TESMIN: variants seen among roughly 807,000 people sequenced by gnomAD.
The protein encoded by TESMIN is testis expressed metallothionein like protein, also known as CXC domain containing 2.
A neutral mutation model predicts 47.4 loss-of-function variants in TESMIN; 34 were observed. The ratio of observed to expected loss-of-function variants is 0.72; its 90% CI spans 0.55 to 0.96. The LOEUF (loss-of-function observed/expected upper bound fraction) is 0.96, where lower values mean the gene tolerates loss of function less well. Among genes scored for constraint, TESMIN ranks in the 40% least tolerant of loss-of-function variants. The pLI is 0.00. For synonymous variants in TESMIN, 278 were observed against 258.9 expected (o/e 1.07, Z -0.71); for missense variants, 610 against 637.2 (o/e 0.96, Z 0.46).
chr11:68,706,168 T>C (rs1024578055), downstream of TESMIN, among the ~76,000 whole-genome samples: 1 of 152,226 alleles, frequency 6.6e-6, no homozygotes, highest in African/African-American at 2.4e-5. Context: ...TCTAGCTTTG[T>C]AGTCATCTTC....
intron 6 of TESMIN, among the ~76,000 whole-genome samples, chr11:68,727,650 G>A (rs4930600): frequency 0.049 from 7,455 of 152,190 alleles, 262 homozygotes; most frequent in Non-Finnish European, 0.076. Context: ...GTTCTATTGG[G>A]CTTCACAGGT....
chr11:68,725,364 A>AAATTCTAAC (rs1946249600), intron 6 of TESMIN, among the ~76,000 whole-genome samples: 2 of 152,210 alleles, frequency 1.3e-5, no homozygotes. Flanking sequence ...CTTTTAGTAG[A>AAATTCTAAC]AATTCTAACA....
At chr11:68,746,322 G>A (rs576290819) in intron 3 of TESMIN, among the ~76,000 whole-genome samples, 1 of 152,196 alleles carries the variant, frequency 6.6e-6, no homozygotes, top group South Asian at 2.1e-4. Flanking sequence ...TTGGGGAGTC[G>A]GAGAGTTCTC....
At chr11:68,750,064 TG>T in intron 2 of TESMIN, 125 bp downstream of exon 2, 1 of 708,144 alleles carries the variant, frequency 1.4e-6, no homozygotes, top group Non-Finnish European at 2.1e-6. Flanking sequence ...GTGACTCCGG[TG>T]GGCTGTGTGT....
At chr11:68,713,468 A>C in intron 7 of TESMIN, 61 bp from the exon 8 acceptor site, 1 of 1,578,274 alleles carries the variant, frequency 6.3e-7, no homozygotes, top group East Asian at 2.2e-5. Flanking sequence ...CAGCTCAATG[A>C]AGGGCATCTC....
In TESMIN at chr11:68,713,339, C is replaced by T; in HGVS notation, c.1089G>A (p.Lys363=). 1 of 1,614,138 alleles carries T rather than the reference C, an allele frequency of 6.2e-7. No individual in the cohort carries two copies. The highest frequency in any genetic ancestry group is 2.2e-5 in the East Asian group (1 of 44,874). Residue 363 remains lysine, a synonymous_variant, in exon 8 of 10, where the codon AAG becomes AAA. Transcript: ENST00000255087. ...AGTTGCACCCTTTGTTGTGCTGGGG[C>T]TTGACATTGCCCAATTGGCCCTTCC... The part of the protein sequence containing the change: ...KIGKGQLGNV[K]PQHNKGCNCR...
At chr11:68,749,895 C>T (rs1014528820) in intron 2 of TESMIN, among the ~76,000 whole-genome samples, 2 of 152,220 alleles carry the variant, frequency 1.3e-5, no homozygotes, top group African/African-American at 4.8e-5. Flanking sequence ...AACCTACGTC[C>T]TAGCTTTCCC....
rs1298323379 is a variant in TESMIN, at chr11:68,750,493, C to T, written c.168G>A (p.Pro56=). 3.7e-6 allele frequency: 6 copies of T among 1,602,296 alleles called. No homozygotes were observed. Among genetic ancestry groups the T allele is most frequent in the Non-Finnish European group, 4.3e-6 (5 of 1,175,132 alleles). Residue 56 remains proline (P), a synonymous_variant, in exon 2 of 10, where the codon CCG becomes CCA. Coordinates refer to ENST00000255087, the MANE Select transcript of TESMIN (RefSeq NM_004923.3). ...FHVFKEAYLG[P]ADPKEPVLHA... is the part of the protein sequence containing the mutation. ...GCAGGACGGGTTCCTTGGGGTCCGC[C>T]GGGCCCAGGTACGCTTCTTTGAAGA...
At chr11:68,713,142 G>A in intron 8 of TESMIN, 128 bp downstream of exon 8, 1 of 986,662 alleles carries the variant, frequency 1.0e-6, no homozygotes, top group Non-Finnish European at 1.4e-6. Context: ...TGTCCTTCTA[G>A]AAACTCTGGA....
At position 68,740,833 on chromosome 11, in the gene TESMIN, C is replaced by A. The variant is rs140508092; in HGVS notation, c.828+1485G>T. On this transcript the variant is annotated intron_variant, in intron 5 of 9. Coordinates refer to ENST00000255087, the MANE Select transcript of TESMIN (RefSeq NM_004923.3). ...ATCTCATCCCTCCTGCCCAGCCCTTCCTCACTCTAAACTCCTACGCAACAT... is the reference window on the plus strand; with the variant it reads ...ATCTCATCCCTCCTGCCCAGCCCTTACTCACTCTAAACTCCTACGCAACAT... Among the ~76,000 whole-genome samples the A allele has an allele frequency of 6.1e-4, 93 of 152,290 alleles. 1 individual carries two copies. The highest frequency in any genetic ancestry group is 2.1e-3 in the African/African-American group (86 of 41,552).
intron 6 of TESMIN, among the ~76,000 whole-genome samples, chr11:68,726,213 A>G (rs1566317634): frequency 6.6e-6 from 1 of 152,172 alleles, no homozygotes; most frequent in Non-Finnish European, 1.5e-5. Flanking sequence ...CTGGGAACAA[A>G]TGCCCTGAAA....
In TESMIN at chr11:68,713,724, A is replaced by G. The variant is rs1202505528; in HGVS notation, c.1021-317T>C. On this transcript the variant is annotated intron_variant, in intron 7 of 9. Coordinates refer to ENST00000255087, the MANE Select transcript of TESMIN (RefSeq NM_004923.3). ...CCGTGTGGACACATTTCCATCCAGC[A>G]TTTCTGGGGCCCTCTTTCCTAAGAT... is the stretch of plus-strand genomic sequence containing the variant. 2.0e-5 allele frequency among the ~76,000 whole-genome samples: 3 copies of G among 152,126 alleles called. No individual in the cohort carries two copies. The South Asian group carries it at 6.2e-4, about 32-fold the overall frequency.
intron 6 of TESMIN, among the ~76,000 whole-genome samples, chr11:68,728,553 C>A (rs1278995460): frequency 1.3e-5 from 2 of 152,254 alleles, no homozygotes; most frequent in Non-Finnish European, 2.9e-5. Flanking sequence ...ATAAAGGTGG[C>A]TACACTGAAC....
chr11:68,727,941 A>T (rs931896564), intron 6 of TESMIN, among the ~76,000 whole-genome samples: 1 of 152,230 alleles, frequency 6.6e-6, no homozygotes, highest in Non-Finnish European at 1.5e-5. Flanking sequence ...ACCACGAGCC[A>T]TGTCCATGTA....
intron 8 of TESMIN, among the ~76,000 whole-genome samples, chr11:68,712,938 G>A (rs1175195023): frequency 1.3e-5 from 2 of 152,030 alleles, no homozygotes; most frequent in African/African-American, 2.4e-5. Context: ...GCTGCCCTCC[G>A]GGAGCTTCCA....
At chr11:68,750,103 G>T in intron 2 of TESMIN, 87 bp downstream of exon 2, 1 of 1,134,170 alleles carries the variant, frequency 8.8e-7, no homozygotes. Flanking sequence ...TGCTTGTAGA[G>T]GGAAATCCTG....
intron 8 of TESMIN, among the ~76,000 whole-genome samples, chr11:68,711,396 T>C (rs1167664606): frequency 6.7e-6 from 1 of 150,208 alleles, no homozygotes; most frequent in Admixed American, 6.7e-5. Context: ...TGTGAGTGAA[T>C]GTGAATGTGT....
intron 2 of TESMIN, 29 bp from the exon 3 acceptor site, chr11:68,747,395 A>T (rs779564955): frequency 3.5e-5 from 55 of 1,585,370 alleles, no homozygotes; most frequent in Middle Eastern, 3.4e-4. Context: ...TATTTTAGAG[A>T]ACACATGGTG....
chr11:68,718,171 C>G (rs866255808), intron 6 of TESMIN, among the ~76,000 whole-genome samples: 1 of 149,416 alleles, frequency 6.7e-6, no homozygotes, highest in African/African-American at 2.5e-5. Flanking sequence ...TCACCTGCAG[C>G]CCCCAGTCAG....
Sources: allele counts gnomAD v4.1 joint callset (sites outside exome capture counted in the v4.1 genomes callset), GRCh38; gene constraint gnomAD v4.1.1; transcripts MANE v1.5; gene names NCBI Gene and HGNC (gene_info 2026-07-23, HGNC 2026-07-21).